FAM227A: variants seen among roughly 807,000 people sequenced by gnomAD.
FAM227A encodes the protein family with sequence similarity 227 member A, also known as protein FAM227A.
A neutral mutation model predicts 74.7 loss-of-function variants in FAM227A; 80 were observed. The ratio of observed to expected loss-of-function variants is 1.07; its 90% CI spans 0.89 to 1.29. The LOEUF is 1.29. Ranked by LOEUF, FAM227A falls within the 50% of genes most tolerant of loss-of-function variation. The probability of loss-of-function intolerance (pLI) is 0.00; values close to 1 mark genes in which losing one functional copy is unlikely to be tolerated. For synonymous variants in FAM227A, 237 were observed against 241.8 expected, an observed-to-expected ratio of 0.98 and a Z score of 0.19; for missense variants, 654 against 683.4, an observed-to-expected ratio of 0.96 and a Z score of 0.48.
At chr22:38,591,666 A>T in intron 15 of FAM227A, 126 bp from the exon 16 acceptor site, 1 of 657,386 alleles carries the variant, frequency 1.5e-6, no homozygotes, top group Middle Eastern at 2.9e-4. Context: ...GAAGTATAAC[A>T]TAGAAACTAG....
At chr22:38,608,379 G>A (rs1180866287) in intron 11 of FAM227A, among the ~76,000 whole-genome samples, 3 of 151,754 alleles carry the variant, frequency 2.0e-5, no homozygotes, top group African/African-American at 4.8e-5. Context: ...CTGAAGGCGG[G>A]CAAGCCTGGG....
chr22:38,647,233 G>C (rs1488074917), intron 2 of FAM227A, among the ~76,000 whole-genome samples: 4 of 152,138 alleles, frequency 2.6e-5, no homozygotes, highest in Admixed American at 1.3e-4. Flanking sequence ...GGGAGGCTGA[G>C]GCAGGTGGAT....
At chr22:38,647,337 C>A (rs1432504929) in intron 2 of FAM227A, among the ~76,000 whole-genome samples, 1 of 151,640 alleles carries the variant, frequency 6.6e-6, no homozygotes, top group Non-Finnish European at 1.5e-5. Context: ...TGGTGGCAGA[C>A]GCCTATAGTC....
Position 38,591,635 on chromosome 22 carries a change from A to G in FAM227A, c.1533-95T>C, listed in dbSNP as rs890290692. On this transcript the variant is annotated intron_variant, in intron 15 of 16. Coordinates refer to ENST00000535113, the MANE Select transcript of FAM227A (RefSeq NM_001013647.2). The stretch of plus-strand genomic sequence containing the variant: ...TCCTATAAACTGATAGATCCACGTG[A>G]CCATTTACAAAACATGCATTGAAGT... 22 of 804,144 alleles carry G rather than the reference A, an allele frequency of 2.7e-5. No individual in the cohort carries two copies. In the African/African-American group the frequency reaches 3.9e-4, roughly 14 times the overall value. 49.8% of individuals were successfully genotyped at this position (804,144 alleles called of 1,614,324 possible).
intron 13 of FAM227A, among the ~76,000 whole-genome samples, chr22:38,600,825 G>A (rs1027358642): frequency 6.6e-6 from 1 of 151,716 alleles, no homozygotes; most frequent in Non-Finnish European, 1.5e-5. Flanking sequence ...GGTGGCATGC[G>A]CCTGTAGTCC....
intron 16 of FAM227A, among the ~76,000 whole-genome samples, chr22:38,590,018 G>A (rs1015593809): frequency 4.6e-5 from 7 of 151,778 alleles, no homozygotes; most frequent in Admixed American, 1.3e-4. Context: ...AGGCTGAGGC[G>A]GGCGGATCAC....
At chr22:38,609,144 A>G (rs1467059706) in intron 11 of FAM227A, among the ~76,000 whole-genome samples, 1 of 152,176 alleles carries the variant, frequency 6.6e-6, no homozygotes, top group Non-Finnish European at 1.5e-5. Context: ...CTGCCATCAT[A>G]TTCGCATTAC....
Position 38,639,726 on chromosome 22 carries a change from T to C in FAM227A, c.226-2A>G. 6.5e-7 allele frequency: 1 copy of C among 1,546,608 alleles called. No individual in the cohort carries two copies. Among genetic ancestry groups the C allele is most frequent in the Non-Finnish European group, 8.8e-7 (1 of 1,142,220 alleles). ...CTCCAACTCAAATCTCTCAATTGCC[T>C]TCAAAAACCAAGAAAAAGGGGGGCA... On this transcript the variant is annotated splice_acceptor_variant, in intron 3 of 16. Transcript: ENST00000535113. LOFTEE classifies it high-confidence loss of function.
intron 3 of FAM227A, among the ~76,000 whole-genome samples, chr22:38,643,290 C>T (rs1399304478): frequency 1.3e-5 from 2 of 149,482 alleles, no homozygotes; most frequent in Admixed American, 6.7e-5. Flanking sequence ...CACTCCTGCC[C>T]GGGTGACAGA....
rs1237049477 is a variant in FAM227A, at chr22:38,582,936, T to G, written c.*3189A>C. On this transcript the variant is annotated 3_prime_UTR_variant, in exon 17 of 17. Coordinates refer to ENST00000535113, the MANE Select transcript of FAM227A (RefSeq NM_001013647.2). ...CGGGGTCCTGGAGGAAGAGCAGGAA[T>G]TAGTGATGTTGGCAGTTAACAAAGA... is the stretch of plus-strand genomic sequence containing the variant. The G allele has an allele frequency of 1.3e-6, 2 of 1,550,342 alleles. No homozygotes were observed.
intron 9 of FAM227A, among the ~76,000 whole-genome samples, chr22:38,623,763 T>C (rs2145570478): frequency 6.6e-6 from 1 of 152,328 alleles, no homozygotes; most frequent in South Asian, 2.1e-4. Flanking sequence ...GAGTGGGTCT[T>C]CTTCTTTATA....
intron 1 of FAM227A, among the ~76,000 whole-genome samples, chr22:38,652,612 C>T (rs1322854595): frequency 7.7e-5 from 11 of 142,678 alleles, no homozygotes; most frequent in Admixed American, 4.3e-4. Flanking sequence ...AAAGGTCGGG[C>T]GTGGTGGCTT....
chr22:38,649,421 C>G (rs899911028), intron 2 of FAM227A, among the ~76,000 whole-genome samples: 1 of 150,852 alleles, frequency 6.6e-6, no homozygotes. Context: ...AAAAAATTAG[C>G]TGGACATGGT....
intron 11 of FAM227A, among the ~76,000 whole-genome samples, chr22:38,615,885 G>A (rs2091565321): frequency 6.6e-6 from 1 of 152,166 alleles, no homozygotes; most frequent in African/African-American, 2.4e-5. Context: ...GACACTGAGG[G>A]TTAGGAGTCA....
intron 16 of FAM227A, among the ~76,000 whole-genome samples, chr22:38,590,118 A>AAAAC (rs1252631715): frequency 8.4e-6 from 1 of 119,528 alleles, no homozygotes; most frequent in Non-Finnish European, 1.8e-5. Context: ...CAAAACAAAA[A>AAAAC]AACGAAAAAA....
chr22:38,642,156 TCTTAG>T (rs2092130760), intron 3 of FAM227A, among the ~76,000 whole-genome samples: 3 of 152,286 alleles, frequency 2.0e-5, no homozygotes, highest in African/African-American at 7.2e-5. Context: ...CAACAACTCT[TCTTAG>T]ATCATTCAGA....
At position 38,620,176 on chromosome 22, in the gene FAM227A, C is replaced by A. The variant is rs756872968; in HGVS notation, c.1038+36G>T. The stretch of plus-strand genomic sequence containing the variant: ...CCGAGGGTTCCTGAAGCTTATGGGA[C>A]TCCAAAGGGGTCCTGGTCCGTGCCT... On this transcript the variant is annotated intron_variant, in intron 11 of 16. Coordinates refer to ENST00000535113, the MANE Select transcript of FAM227A (RefSeq NM_001013647.2). 2.7e-5 allele frequency: 39 copies of A among 1,468,192 alleles called. No individual in the cohort carries two copies. The South Asian group carries it at 4.4e-4, about 16-fold the overall frequency. The allele number at this position is 1,468,192 out of a possible 1,614,324, so 90.9% of individuals were successfully genotyped here. A position where few individuals can be genotyped will look rare whatever the true frequency, so the allele number is the denominator to read the frequency against.
chr22:38,615,119 G>A (rs1466260339), intron 11 of FAM227A, among the ~76,000 whole-genome samples: 3 of 152,210 alleles, frequency 2.0e-5, no homozygotes, highest in South Asian at 4.1e-4. Flanking sequence ...CCGCCCCCTG[G>A]TTCAAGCAAT....
intron 1 of FAM227A, among the ~76,000 whole-genome samples, chr22:38,655,042 A>C (rs2092372971): frequency 6.6e-6 from 1 of 151,368 alleles, no homozygotes; most frequent in African/African-American, 2.4e-5. Context: ...TGGGAGGCGG[A>C]GGCAGGAGAA....
Sources: gnomAD v4.1 joint callset for allele counts (sites outside exome capture counted in the v4.1 genomes callset) on GRCh38, gnomAD v4.1.1 for gene constraint, MANE v1.5 for transcripts, NCBI Gene and HGNC (gene_info 2026-07-23, HGNC 2026-07-21) for gene names.